The following SH3D19 variants were observed in gnomAD, a reference collection of about 807,000 sequenced individuals.
SH3D19 encodes SH3 domain-containing protein 19.
Under a neutral mutation model 112.1 loss-of-function variants are expected in SH3D19, and 58 were observed. The ratio of observed to expected loss-of-function variants is 0.52; its 90% CI spans 0.42 to 0.64. The LOEUF (loss-of-function observed/expected upper bound fraction) is 0.64. Ranked by LOEUF, SH3D19 falls within the 30% of genes least tolerant of loss-of-function variation. SH3D19 has a pLI of 0.00. For synonymous variants in SH3D19, 391 were observed against 448.5 expected (o/e 0.87, Z 1.62); for missense variants, 1,090 against 1,263.4 (o/e 0.86, Z 2.08).
At chr4:151,180,676 C>A (rs531115568) in intron 3 of SH3D19, among the ~76,000 whole-genome samples, 1 of 148,938 alleles carries the variant, frequency 6.7e-6, no homozygotes, top group African/African-American at 2.5e-5. Flanking sequence ...AAAGTGCTGG[C>A]TTTACAGGTG....
chr4:151,217,912 T>C (rs577884706), intron 2 of SH3D19, among the ~76,000 whole-genome samples: 1 of 152,264 alleles, frequency 6.6e-6, no homozygotes, highest in East Asian at 1.9e-4. Flanking sequence ...GAAACACATA[T>C]ATATGTATAC....
At chr4:151,254,490 C>T (rs1216861805) in intron 1 of SH3D19, among the ~76,000 whole-genome samples, 1 of 140,474 alleles carries the variant, frequency 7.1e-6, no homozygotes, top group African/African-American at 2.5e-5. Context: ...GTTTGTGTCC[C>T]TGGGTACTTG....
Position 151,153,772 on chromosome 4 carries a change from T to C in SH3D19, c.1756-4211A>G, listed in dbSNP as rs572571856. Among the ~76,000 whole-genome samples, 3 of 152,344 alleles carry C rather than the reference T, an allele frequency of 2.0e-5. No individual in the cohort carries two copies. In the South Asian group the frequency reaches 6.2e-4, roughly 32 times the overall value. ...GCATTTATTATAGTACAGTACTGAA[T>C]GTTCTGACTCCCTTTATAAACAGTG... On this transcript the variant is annotated intron_variant, in intron 9 of 19. Coordinates refer to ENST00000604030, the MANE Select transcript of SH3D19 (RefSeq NM_001378122.1).
intron 17 of SH3D19, among the ~76,000 whole-genome samples, chr4:151,130,973 A>G (rs1435340067): frequency 2.0e-5 from 3 of 152,002 alleles, no homozygotes; most frequent in Admixed American, 6.5e-5. Flanking sequence ...AGTGGGGGAA[A>G]AAAACCTACC....
rs1327164323 is a variant in SH3D19 at position 151,254,981 on chromosome 4, G to A, written c.113-28895C>T. Among the ~76,000 whole-genome samples, 922 of 150,018 alleles carry A rather than the reference G, an allele frequency of 6.1e-3. 69 individuals are homozygous for A. The highest frequency in any genetic ancestry group is 1.2e-3 in the Non-Finnish European group (83 of 67,322). On this transcript the variant is annotated intron_variant, in intron 1 of 19. Coordinates refer to ENST00000604030, the MANE Select transcript of SH3D19 (RefSeq NM_001378122.1). ...CCCCCACCTCCCTCCCGGATGGGGC[G>A]GCTGGCTGGGCAGAGGGGCTCCTCA...
rs967565848 is a variant in SH3D19 at position 151,127,793 on chromosome 4, C to A, written c.2930-78G>T. 6 of 754,234 alleles carry A rather than the reference C, an allele frequency of 8.0e-6. No homozygotes were observed. In the Admixed American group the frequency reaches 1.5e-4, roughly 19 times the overall value. The allele number at this position is 754,234 out of a possible 1,614,324, so 46.7% of individuals were successfully genotyped here. On this transcript the variant is annotated intron_variant, in intron 18 of 19. Coordinates refer to ENST00000604030, the MANE Select transcript of SH3D19 (RefSeq NM_001378122.1). The stretch of plus-strand genomic sequence containing the variant: ...AAATCTAACATTTTTTAAAAAAAAA[C>A]GCTTATCGCTCTAAAAACACAGTAT...
intron 13 of SH3D19, among the ~76,000 whole-genome samples, chr4:151,138,945 A>T (rs1401711838): frequency 6.6e-6 from 1 of 152,082 alleles, no homozygotes; most frequent in Non-Finnish European, 1.5e-5. Flanking sequence ...CTCCTGACTC[A>T]GCCTCCCAAG....
intron 2 of SH3D19, among the ~76,000 whole-genome samples, chr4:151,215,173 T>C (rs1561358559): frequency 6.6e-6 from 1 of 152,198 alleles, no homozygotes; most frequent in Non-Finnish European, 1.5e-5. Flanking sequence ...CCTCCTGCCT[T>C]GGCCTCCCAA....
At chr4:151,220,671 T>G (rs1385717082) in intron 2 of SH3D19, among the ~76,000 whole-genome samples, 1 of 152,212 alleles carries the variant, frequency 6.6e-6, no homozygotes, top group Admixed American at 6.5e-5. Context: ...TAGATGTTAT[T>G]AATAGCTATG....
chr4:151,164,115 C>A (rs1757593346), intron 8 of SH3D19, among the ~76,000 whole-genome samples: 1 of 152,052 alleles, frequency 6.6e-6, no homozygotes, highest in African/African-American at 2.4e-5. Flanking sequence ...ATAGAGAAAC[C>A]AAACTCCTAA....
intron 1 of SH3D19, among the ~76,000 whole-genome samples, chr4:151,244,929 G>A (rs1255913739): frequency 6.6e-6 from 1 of 152,100 alleles, no homozygotes; most frequent in Non-Finnish European, 1.5e-5. Context: ...AGATCACGAG[G>A]TCAGGAGATA....
Position 151,224,334 on chromosome 4 carries a change from G to C in SH3D19, c.152+1713C>G, listed in dbSNP as rs531095452. Among the ~76,000 whole-genome samples the C allele has an allele frequency of 2.0e-5, 3 of 152,186 alleles. No individual in the cohort carries two copies. The South Asian group carries it at 6.3e-4, about 32-fold the overall frequency. ...AAAGAAAAAAAAAAAGTATGATCTA[G>C]AGCTACCACTTTTAGCCTGAACATT... On this transcript the variant is annotated intron_variant, in intron 2 of 19. Transcript: ENST00000604030.
chr4:151,152,894 G>A lies in SH3D19; in HGVS notation c.1756-3333C>T, dbSNP rs6838701. Among the ~76,000 whole-genome samples the A allele has an allele frequency of 3.5e-3, 527 of 150,250 alleles. 5 individuals carry two copies. Among genetic ancestry groups the A allele is most frequent in the African/African-American group, 0.012 (493 of 40,774 alleles). ...TCTGTCACCCAAGCTAGAGTGTAGT[G>A]GCACGATCTTGGCTCACTGCAACCT... is the stretch of plus-strand genomic sequence containing the variant. On this transcript the variant is annotated intron_variant, in intron 9 of 19. Transcript: ENST00000604030.
At chr4:151,216,513 A>C (rs1380174347) in intron 2 of SH3D19, among the ~76,000 whole-genome samples, 3 of 152,224 alleles carry the variant, frequency 2.0e-5, no homozygotes, top group African/African-American at 7.2e-5. Context: ...TACTGCAGAA[A>C]GGTAAATAAC....
chr4:151,187,143 T>TA lies in SH3D19; in HGVS notation c.193+279dup, dbSNP rs767499139. ...ACAGAAACTAACTAGAGAGGCAAAT[T>TA]AAAAAAAAAAAACAAACAGCTTTAT... On this transcript the variant is annotated intron_variant, in intron 3 of 19. Coordinates refer to ENST00000604030, the MANE Select transcript of SH3D19 (RefSeq NM_001378122.1). Among the ~76,000 whole-genome samples, 1,282 of 139,668 alleles carry TA rather than the reference T, an allele frequency of 9.2e-3. 6 individuals are homozygous for TA. Among genetic ancestry groups the TA allele is most frequent in the Non-Finnish European group, 0.011 (684 of 63,856 alleles). The allele number at this position is 139,668 out of a possible 152,430, so 91.6% of individuals were successfully genotyped here. A position where few individuals can be genotyped will look rare whatever the true frequency, so the allele number is the denominator to read the frequency against.
chr4:151,248,306 G>T (rs1363650081), intron 1 of SH3D19, among the ~76,000 whole-genome samples: 1 of 151,964 alleles, frequency 6.6e-6, no homozygotes, highest in Non-Finnish European at 1.5e-5. Context: ...GAGAGTTTAG[G>T]AAAAGTCTAG....
chr4:151,298,916 A>T (rs1166765872), intron 1 of SH3D19, among the ~76,000 whole-genome samples: 1 of 152,226 alleles, frequency 6.6e-6, no homozygotes, highest in East Asian at 1.9e-4. Flanking sequence ...TTATCAAAAC[A>T]AAAAACAAAA....
intron 1 of SH3D19, among the ~76,000 whole-genome samples, chr4:151,237,521 C>T (rs1036069610): frequency 9.6e-5 from 10 of 103,734 alleles, no homozygotes; most frequent in Non-Finnish European, 1.8e-4. Flanking sequence ...AACTCTAGGT[C>T]AGACAGGCCT....
intron 1 of SH3D19, among the ~76,000 whole-genome samples, chr4:151,301,312 C>A (rs1728393152): frequency 6.6e-6 from 1 of 152,138 alleles, no homozygotes; most frequent in African/African-American, 2.4e-5. Flanking sequence ...ACCACAACCT[C>A]CACCTCCCAG....
Sources: allele counts gnomAD v4.1 joint callset (sites outside exome capture counted in the v4.1 genomes callset), GRCh38; gene constraint gnomAD v4.1.1; transcripts MANE v1.5; gene names NCBI Gene and HGNC (gene_info 2026-07-23, HGNC 2026-07-21).